Variants in MAP4K4 observed in about 807,000 individuals in gnomAD.
MAP4K4 encodes mitogen-activated protein kinase kinase kinase kinase 4, also known as HPK/GCK-like kinase HGK.
MAP4K4 carries 38 observed loss-of-function variants against 189.6 expected under a neutral mutation model. The ratio of observed to expected loss-of-function variants is 0.20; its 90% CI spans 0.15 to 0.26. The LOEUF (loss-of-function observed/expected upper bound fraction) is 0.26. Among genes scored for constraint, MAP4K4 ranks in the 10% least tolerant of loss-of-function variants. MAP4K4 has a pLI of 1.00. For missense variants in MAP4K4, 1,054 were observed against 1,726.9 expected (o/e 0.61, Z 6.91); for synonymous variants, 610 against 624.3 (o/e 0.98, Z 0.34).
At chr2:101,744,619 G>A (rs1316997399) in intron 2 of MAP4K4, among the ~76,000 whole-genome samples, 3 of 151,894 alleles carry the variant, frequency 2.0e-5, no homozygotes, top group Non-Finnish European at 4.4e-5. Context: ...GGAGTGGATG[G>A]GGCCAGCGTA....
chr2:101,726,390 A>G (rs1204294027), intron 2 of MAP4K4, among the ~76,000 whole-genome samples: 2 of 152,222 alleles, frequency 1.3e-5, no homozygotes, highest in African/African-American at 2.4e-5. Flanking sequence ...AAATGTGGAC[A>G]CTGTGCCACA....
At chr2:101,712,219 G>C (rs1464297829) in intron 2 of MAP4K4, among the ~76,000 whole-genome samples, 3 of 151,794 alleles carry the variant, frequency 2.0e-5, no homozygotes, top group African/African-American at 7.3e-5. Context: ...TTTTGAGATG[G>C]AGTGTCGCTC....
In MAP4K4 at chr2:101,840,225, G is replaced by A. The variant is rs987702248; in HGVS notation, c.949+231G>A. ...CTTACAGCAAATAGATCGGCATTGC[G>A]ATGGGATGCTTTTCTTGTTCCCGAG... On this transcript the variant is annotated intron_variant, in intron 10 of 32. Coordinates refer to ENST00000324219, the Ensembl canonical transcript of MAP4K4. Among the ~76,000 whole-genome samples the A allele has an allele frequency of 6.6e-5, 10 of 152,248 alleles. No homozygotes were observed. In the South Asian group the frequency reaches 1.9e-3, roughly 28 times the overall value.
chr2:101,827,072 C>A (rs1188896204), intron 5 of MAP4K4, among the ~76,000 whole-genome samples: 1 of 152,118 alleles, frequency 6.6e-6, no homozygotes, highest in Non-Finnish European at 1.5e-5. Context: ...GTTTCTATAC[C>A]CAGGCAAGCA....
At chr2:101,758,611 T>A (rs1466000948) in intron 2 of MAP4K4, among the ~76,000 whole-genome samples, 1 of 152,188 alleles carries the variant, frequency 6.6e-6, no homozygotes, top group Admixed American at 6.5e-5. Context: ...GAGGACTGTG[T>A]ATGAAATTTA....
At chr2:101,816,683 T>C (rs576637618) in intron 3 of MAP4K4, among the ~76,000 whole-genome samples, 4 of 152,318 alleles carry the variant, frequency 2.6e-5, no homozygotes, top group Admixed American at 6.5e-5. Flanking sequence ...AAAGAGCCGA[T>C]ACTAAGAAGT....
chr2:101,760,493 A>T (rs2075778105), intron 2 of MAP4K4, among the ~76,000 whole-genome samples: 1 of 127,716 alleles, frequency 7.8e-6, no homozygotes, highest in Non-Finnish European at 1.6e-5. Context: ...ATCTCAAAAA[A>T]AAAAAACAAA....
chr2:101,791,176 T>C (rs1017254830), intron 3 of MAP4K4, among the ~76,000 whole-genome samples: 1 of 152,156 alleles, frequency 6.6e-6, no homozygotes, highest in South Asian at 2.1e-4. Flanking sequence ...ATTTGTGCCA[T>C]TTCTTTTATT....
chr2:101,840,135 C>T, intron 10 of MAP4K4, 141 bp downstream of exon 10: 2 of 766,608 alleles, frequency 2.6e-6, no homozygotes, highest in Non-Finnish European at 3.9e-6. Context: ...CGGTTCAGTG[C>T]TTAGGCCTGG....
chr2:101,818,497 T>G (rs551265921), intron 3 of MAP4K4, among the ~76,000 whole-genome samples: 1 of 152,172 alleles, frequency 6.6e-6, no homozygotes, highest in Non-Finnish European at 1.5e-5. Context: ...TCCAGTTAGC[T>G]TATCTGAAGT....
intron 2 of MAP4K4, among the ~76,000 whole-genome samples, chr2:101,777,111 G>A (rs996307215): frequency 1.3e-5 from 2 of 152,160 alleles, no homozygotes; most frequent in African/African-American, 4.8e-5. Context: ...CTGAGTGTGA[G>A]TTCCGCTTGA....
exon 33 of MAP4K4, chr2:101,893,028 G>A: frequency 2.2e-6 from 1 of 456,292 alleles, no homozygotes; most frequent in Non-Finnish European, 4.4e-6. Flanking sequence ...CCTGTATATT[G>A]TGAAAATGGG....
chr2:101,845,557 A>G (rs2097078125), intron 12 of MAP4K4, among the ~76,000 whole-genome samples: 1 of 152,196 alleles, frequency 6.6e-6, no homozygotes, highest in South Asian at 2.1e-4. Flanking sequence ...ACAAACCTGT[A>G]CAGCATGTTA....
intron 2 of MAP4K4, among the ~76,000 whole-genome samples, chr2:101,741,199 G>A (rs1191616755): frequency 3.6e-5 from 5 of 138,080 alleles, no homozygotes; most frequent in African/African-American, 1.1e-4. Flanking sequence ...ACAGAGTCTC[G>A]CTCTGTTGCC....
intron 18 of MAP4K4, 139 bp downstream of exon 18, chr2:101,865,175 T>A (rs2149932498): frequency 1.7e-6 from 1 of 578,578 alleles, no homozygotes; most frequent in Non-Finnish European, 3.0e-6. Flanking sequence ...AAAGCTGCCA[T>A]AAAATCCATC....
chr2:101,834,270 T>A (rs996829660), intron 7 of MAP4K4, 139 bp from the exon 8 acceptor site: 5 of 464,518 alleles, frequency 1.1e-5, no homozygotes, highest in African/African-American at 1.0e-4. Context: ...CCGTAAGTTC[T>A]ACAAATGTGC....
intron 3 of MAP4K4, among the ~76,000 whole-genome samples, chr2:101,812,360 T>C (rs140888068): frequency 1.9e-4 from 29 of 152,350 alleles, no homozygotes; most frequent in African/African-American, 7.0e-4. Flanking sequence ...GTTGTTTGAC[T>C]CTTCGCAGAC....
intron 3 of MAP4K4, among the ~76,000 whole-genome samples, chr2:101,821,837 A>T (rs921094819): frequency 7.2e-5 from 11 of 152,264 alleles, no homozygotes; most frequent in African/African-American, 2.7e-4. Context: ...AAAAAACTGC[A>T]TAGCTGTACT....
chr2:101,860,763 C>T, intron 15 of MAP4K4, 62 bp from the exon 16 acceptor site: 1 of 1,365,254 alleles, frequency 7.3e-7, no homozygotes, highest in Non-Finnish European at 9.9e-7. Context: ...TTTAGACTTT[C>T]TTTGATATTT....
Sources: gnomAD v4.1 joint callset for allele counts (sites outside exome capture counted in the v4.1 genomes callset) on GRCh38, gnomAD v4.1.1 for gene constraint, MANE v1.5 for transcripts, NCBI Gene and HGNC (gene_info 2026-07-23, HGNC 2026-07-21) for gene names.